CHCHD6: variants seen among roughly 807,000 people sequenced by gnomAD.
The protein encoded by CHCHD6 is coiled-coil-helix-coiled-coil-helix domain containing 6.
A neutral mutation model predicts 32.3 loss-of-function variants in CHCHD6; 28 were observed. The observed-to-expected ratio is 0.87, with a 90% CI of 0.64 to 1.19. The LOEUF (loss-of-function observed/expected upper bound fraction) is 1.19. Among genes scored for constraint, CHCHD6 ranks in the 50% most tolerant of loss-of-function variants. CHCHD6 has a pLI of 0.00. For synonymous variants in CHCHD6, 122 were observed against 117.5 expected (o/e 1.04, Z -0.25); for missense variants, 333 against 307.0 (o/e 1.08, Z -0.63).
chr3:126,837,787 A>G (rs2107545182), intron 4 of CHCHD6, among the ~76,000 whole-genome samples: 1 of 152,348 alleles, frequency 6.6e-6, no homozygotes. Context: ...GCTAAGAGGA[A>G]GGAAGGCTGC....
chr3:126,738,361 C>T (rs905033213), intron 4 of CHCHD6, among the ~76,000 whole-genome samples: 23 of 152,256 alleles, frequency 1.5e-4, no homozygotes, highest in African/African-American at 4.3e-4. Flanking sequence ...ACCAATACCC[C>T]GTGGCCGACT....
At chr3:126,917,123 A>G (rs4679304) in intron 6 of CHCHD6, among the ~76,000 whole-genome samples, 87,313 of 152,160 alleles carry the variant, frequency 0.57, 26,374 homozygotes, top group Non-Finnish European at 0.67. Flanking sequence ...ATGTGAATGT[A>G]TTTTTAATCT....
chr3:126,750,916 C>T (rs534697302), intron 4 of CHCHD6, among the ~76,000 whole-genome samples: 38 of 152,320 alleles, frequency 2.5e-4, no homozygotes, highest in African/African-American at 9.1e-4. Context: ...CCTTTGCTGT[C>T]TCCACAAGAA....
chr3:126,933,021 A>G (rs1336546226), intron 6 of CHCHD6, among the ~76,000 whole-genome samples: 1 of 151,794 alleles, frequency 6.6e-6, no homozygotes, highest in East Asian at 1.9e-4. Flanking sequence ...TCCGGGAGGG[A>G]GGGGTGTCTG....
chr3:126,893,253 C>T (rs924322057), intron 5 of CHCHD6, among the ~76,000 whole-genome samples: 5 of 152,324 alleles, frequency 3.3e-5, no homozygotes, highest in South Asian at 2.1e-4. Flanking sequence ...TGAGCCACAG[C>T]GCCCAGCCAG....
intron 6 of CHCHD6, among the ~76,000 whole-genome samples, chr3:126,952,311 G>A (rs932140576): frequency 6.6e-6 from 1 of 152,124 alleles, no homozygotes; most frequent in Admixed American, 6.5e-5. Context: ...TGGTGCTGCC[G>A]ACCCAACTGA....
chr3:126,731,542 C>T (rs930078321), intron 3 of CHCHD6, among the ~76,000 whole-genome samples: 1 of 152,144 alleles, frequency 6.6e-6, no homozygotes, highest in Non-Finnish European at 1.5e-5. Context: ...AGCACAGCAC[C>T]TGGCCTACAG....
At chr3:126,948,095 C>G (rs1161125953) in intron 6 of CHCHD6, among the ~76,000 whole-genome samples, 2 of 152,198 alleles carry the variant, frequency 1.3e-5, no homozygotes, top group African/African-American at 4.8e-5. Flanking sequence ...ACATTGGTCC[C>G]CCGGTCATTC....
At chr3:126,820,716 G>A (rs556846427) in intron 4 of CHCHD6, among the ~76,000 whole-genome samples, 4 of 152,094 alleles carry the variant, frequency 2.6e-5, no homozygotes, top group South Asian at 4.2e-4. Flanking sequence ...GAGTATATGC[G>A]CTTTTAGCTT....
intron 5 of CHCHD6, among the ~76,000 whole-genome samples, chr3:126,866,043 T>G (rs1314145120): frequency 6.6e-6 from 1 of 152,030 alleles, no homozygotes; most frequent in East Asian, 1.9e-4. Context: ...CAAATGAAAA[T>G]GAGGACACTG....
intron 4 of CHCHD6, among the ~76,000 whole-genome samples, chr3:126,780,865 G>A (rs766811987): frequency 1.1e-4 from 17 of 152,166 alleles, no homozygotes; most frequent in Non-Finnish European, 1.6e-4. Flanking sequence ...CTGATATAGT[G>A]TGCTATTCCA....
intron 1 of CHCHD6, among the ~76,000 whole-genome samples, chr3:126,722,450 A>T (rs1323366001): frequency 6.6e-6 from 1 of 152,252 alleles, no homozygotes; most frequent in Admixed American, 6.5e-5. Flanking sequence ...GATGCGAGCC[A>T]CTATGGCTGA....
At chr3:126,855,442 C>T (rs1941630924) in intron 5 of CHCHD6, among the ~76,000 whole-genome samples, 1 of 152,198 alleles carries the variant, frequency 6.6e-6, no homozygotes, top group South Asian at 2.1e-4. Context: ...CTGGCAAGTG[C>T]TGGCTCCTTC....
rs142816082 is a variant in CHCHD6 at position 126,830,109 on chromosome 3, A to T, written c.412-22538A>T. Among the ~76,000 whole-genome samples the T allele has an allele frequency of 2.2e-3, 340 of 152,272 alleles. 2 individuals carry two copies. Among genetic ancestry groups the T allele is most frequent in the African/African-American group, 7.7e-3 (321 of 41,552 alleles). ...TGAGACTCTGTCTCAAAAAATAAAT[A>T]AATTAAATAAATAAATAAATCATGT... On this transcript the variant is annotated intron_variant, in intron 4 of 7. Coordinates refer to ENST00000290913, the MANE Select transcript of CHCHD6 (RefSeq NM_032343.3).
intron 4 of CHCHD6, among the ~76,000 whole-genome samples, chr3:126,817,142 C>A (rs1241251209): frequency 6.6e-6 from 1 of 152,194 alleles, no homozygotes; most frequent in African/African-American, 2.4e-5. Context: ...AAACAATCGC[C>A]GACTGCTCTC....
chr3:126,839,924 T>A (rs2107546203), intron 4 of CHCHD6, among the ~76,000 whole-genome samples: 1 of 152,304 alleles, frequency 6.6e-6, no homozygotes, highest in East Asian at 1.9e-4. Flanking sequence ...ATCACCTGGA[T>A]GGAAACCCTG....
At chr3:126,714,651 T>C (rs1448507371) in intron 1 of CHCHD6, among the ~76,000 whole-genome samples, 1 of 152,186 alleles carries the variant, frequency 6.6e-6, no homozygotes, top group Non-Finnish European at 1.5e-5. Flanking sequence ...GTCCTGGTGC[T>C]AGGCCTGCCC....
At chr3:126,739,245 T>A (rs538440640) in intron 4 of CHCHD6, among the ~76,000 whole-genome samples, 93 of 152,378 alleles carry the variant, frequency 6.1e-4, no homozygotes, top group Non-Finnish European at 1.5e-4. Context: ...CTGAGCTTAG[T>A]CTTTTGATTA....
At chr3:126,935,246 G>A (rs1215134944) in intron 6 of CHCHD6, 8 of 725,812 alleles carry the variant, frequency 1.1e-5, no homozygotes, top group South Asian at 1.2e-4. Context: ...TATCCCAGAT[G>A]TGGTGTTCCC....
Sources: allele counts gnomAD v4.1 joint callset (sites outside exome capture counted in the v4.1 genomes callset), GRCh38; gene constraint gnomAD v4.1.1; transcripts MANE v1.5; gene names NCBI Gene and HGNC (gene_info 2026-07-23, HGNC 2026-07-21).